C8orf34: variants seen among roughly 807,000 people sequenced by gnomAD.
C8orf34 encodes the protein chromosome 8 open reading frame 34, also known as uncharacterized protein C8orf34.
Under a neutral mutation model 68.3 loss-of-function variants are expected in C8orf34, and 65 were observed. That is an observed-to-expected ratio of 0.95 (90% CI 0.78 to 1.17). The LOEUF (loss-of-function observed/expected upper bound fraction) is 1.17. C8orf34 is among the 50% of genes most tolerant of loss of function. The pLI is 0.00. For missense variants in C8orf34, 664 were observed against 655.4 expected, an observed-to-expected ratio of 1.01 and a Z score of -0.14; for synonymous variants, 244 against 241.2, an observed-to-expected ratio of 1.01 and a Z score of -0.11.
intron 8 of C8orf34, among the ~76,000 whole-genome samples, chr8:68,673,573 T>G (rs1820086724): frequency 6.6e-6 from 1 of 151,968 alleles, no homozygotes; most frequent in Admixed American, 6.6e-5. Flanking sequence ...GAAGAGAAGA[T>G]TGGGAAGGAC....
At chr8:68,542,410 G>T (rs1364601552) in intron 7 of C8orf34, among the ~76,000 whole-genome samples, 1 of 151,816 alleles carries the variant, frequency 6.6e-6, no homozygotes, top group African/African-American at 2.4e-5. Flanking sequence ...TTTCTCCCAG[G>T]TTACATCTGA....
intron 12 of C8orf34, chr8:68,792,238 G>A (rs1824017351): frequency 6.6e-6 from 1 of 152,044 alleles, no homozygotes; most frequent in South Asian, 2.1e-4. Flanking sequence ...AAAGAAATAA[G>A]ACAATCAGAA....
chr8:68,371,175 T>C (rs1236740441), intron 1 of C8orf34, among the ~76,000 whole-genome samples: 1 of 152,238 alleles, frequency 6.6e-6, no homozygotes, highest in Non-Finnish European at 1.5e-5. Context: ...TCCATTTAGC[T>C]GTCCTCATTC....
chr8:68,624,718 C>T (rs1307408568), intron 7 of C8orf34, among the ~76,000 whole-genome samples: 2 of 152,012 alleles, frequency 1.3e-5, no homozygotes, highest in Non-Finnish European at 2.9e-5. Context: ...ATAGACAGTT[C>T]CTGCCCTCCT....
In C8orf34 at chr8:68,790,839, G is replaced by A. The variant is rs1223905349; in HGVS notation, c.1549+3303G>A. 3 of 701,606 alleles carry A rather than the reference G, an allele frequency of 4.3e-6. No individual in the cohort carries two copies. The South Asian group carries it at 4.5e-5, about 10-fold the overall frequency. The allele number at this position is 701,606 out of a possible 1,614,324, so 43.5% of individuals were successfully genotyped here. On this transcript the variant is annotated intron_variant, in intron 12 of 13. Coordinates refer to ENST00000518698, the MANE Select transcript of C8orf34 (RefSeq NM_052958.4). ...GACCTACTAAATCAGAATCTCTGTG[G>A]CTGGGACTCTGAATTCTGCATTTTT...
chr8:68,621,960 T>C (rs922103869), intron 7 of C8orf34, among the ~76,000 whole-genome samples: 1 of 152,216 alleles, frequency 6.6e-6, no homozygotes, highest in South Asian at 2.1e-4. Flanking sequence ...GGTCTTCTAC[T>C]TCAGGCCATC....
At chr8:68,632,185 T>C (rs1818709617) in intron 7 of C8orf34, among the ~76,000 whole-genome samples, 1 of 152,120 alleles carries the variant, frequency 6.6e-6, no homozygotes, top group South Asian at 2.1e-4. Flanking sequence ...TGGTGTCAGA[T>C]GGAGATGAGG....
intron 1 of C8orf34, among the ~76,000 whole-genome samples, chr8:68,350,264 C>CT (rs374580916): frequency 0.03 from 4,319 of 145,198 alleles, 78 homozygotes; most frequent in Middle Eastern, 0.069. Context: ...CATAGTCTTG[C>CT]TTTTTTTTTT....
At chr8:68,611,358 A>G (rs1238582438) in intron 7 of C8orf34, among the ~76,000 whole-genome samples, 1 of 152,170 alleles carries the variant, frequency 6.6e-6, no homozygotes, top group African/African-American at 2.4e-5. Context: ...GTTCAACTGC[A>G]TTTCTTTTGG....
chr8:68,683,389 G>A (rs1249070381), intron 8 of C8orf34, among the ~76,000 whole-genome samples: 1 of 151,340 alleles, frequency 6.6e-6, no homozygotes, highest in Non-Finnish European at 1.5e-5. Flanking sequence ...TTCCCGTGAA[G>A]AGGAACAAAG....
chr8:68,506,100 G>A (rs1814009811), intron 5 of C8orf34, among the ~76,000 whole-genome samples: 2 of 150,622 alleles, frequency 1.3e-5, no homozygotes, highest in South Asian at 2.1e-4. Flanking sequence ...GTTTTGTTAT[G>A]TTACTACACA....
chr8:68,465,271 G>A (rs1812063523), intron 3 of C8orf34, among the ~76,000 whole-genome samples: 2 of 151,544 alleles, frequency 1.3e-5, no homozygotes, highest in African/African-American at 4.9e-5. Context: ...ACACCAGTTA[G>A]AATGGCAATC....
intron 1 of C8orf34, among the ~76,000 whole-genome samples, chr8:68,356,362 A>G (rs923696900): frequency 6.6e-6 from 1 of 152,160 alleles, no homozygotes; most frequent in Admixed American, 6.6e-5. Context: ...ATTGGGTACT[A>G]TATTATCTAC....
chr8:68,760,890 AT>A (rs1823005529), intron 10 of C8orf34, among the ~76,000 whole-genome samples: 2 of 152,156 alleles, frequency 1.3e-5, no homozygotes, highest in Non-Finnish European at 2.9e-5. Flanking sequence ...GACTAATACA[AT>A]GGTTGGTTTC....
chr8:68,648,081 T>C (rs1819233375), intron 8 of C8orf34, among the ~76,000 whole-genome samples: 1 of 152,196 alleles, frequency 6.6e-6, no homozygotes, highest in South Asian at 2.1e-4. Flanking sequence ...GTGGTTCTTA[T>C]AATTGGTGAG....
Position 68,463,216 on chromosome 8 carries a change from A to G in C8orf34, c.608-5476A>G, listed in dbSNP as rs543096237. On this transcript the variant is annotated intron_variant, in intron 3 of 13. Transcript: ENST00000518698. The stretch of plus-strand genomic sequence containing the variant: ...AAGAAATGGATAAATTCCTTGACAC[A>G]TACACCCTCCCAAGACTAAACCAGG... Among the ~76,000 whole-genome samples the G allele has an allele frequency of 8.9e-3, 1,355 of 152,278 alleles. 18 individuals are homozygous for G. Among genetic ancestry groups the G allele is most frequent in the African/African-American group, 0.031 (1,270 of 41,512 alleles).
Position 68,659,045 on chromosome 8 carries a change from G to A in C8orf34, c.1241+18534G>A, listed in dbSNP as rs150354749. On this transcript the variant is annotated intron_variant, in intron 8 of 13. Transcript: ENST00000518698. Reference sequence around the variant, plus strand: ...CATCAGGAAGGGAGATATTTCCCTCGATTCCCTCCCTCCCTTCCTTCCTCA... The same window carrying A: ...CATCAGGAAGGGAGATATTTCCCTCAATTCCCTCCCTCCCTTCCTTCCTCA... Among the ~76,000 whole-genome samples, 421 of 151,776 alleles carry A rather than the reference G, an allele frequency of 2.8e-3. 1 individual carries two copies. Among genetic ancestry groups the A allele is most frequent in the African/African-American group, 8.7e-3 (362 of 41,382 alleles).
intron 8 of C8orf34, among the ~76,000 whole-genome samples, chr8:68,663,159 C>T (rs570361851): frequency 3.9e-5 from 6 of 152,300 alleles, no homozygotes; most frequent in Non-Finnish European, 8.8e-5. Flanking sequence ...AAAGCTTATT[C>T]TTGTTTGTCC....
chr8:68,459,466 C>T (rs1198334566), intron 3 of C8orf34, among the ~76,000 whole-genome samples: 2 of 152,020 alleles, frequency 1.3e-5, no homozygotes, highest in Admixed American at 6.6e-5. Context: ...CTCCTGACCT[C>T]GTGATCCACC....
Sources: allele counts gnomAD v4.1 joint callset (sites outside exome capture counted in the v4.1 genomes callset), GRCh38; gene constraint gnomAD v4.1.1; transcripts MANE v1.5; gene names NCBI Gene and HGNC (gene_info 2026-07-23, HGNC 2026-07-21).